The following ZMIZ1 variants were observed in gnomAD, a reference collection of about 807,000 sequenced individuals.
ZMIZ1 encodes zinc finger MIZ-type containing 1.
A neutral mutation model predicts 113.9 loss-of-function variants in ZMIZ1; 17 were observed. The ratio of observed to expected loss-of-function variants is 0.15; its 90% CI spans 0.10 to 0.22. The LOEUF (loss-of-function observed/expected upper bound fraction) is 0.22, where lower values mean the gene tolerates loss of function less well. Among genes scored for constraint, ZMIZ1 ranks in the 10% least tolerant of loss-of-function variants. ZMIZ1 has a pLI of 1.00. For synonymous variants in ZMIZ1, 607 were observed against 603.1 expected, an observed-to-expected ratio of 1.01 and a Z score of -0.09; for missense variants, 1,059 against 1,477.8, an observed-to-expected ratio of 0.72 and a Z score of 4.65.
chr10:79,157,476 C>G (rs887810719), intron 3 of ZMIZ1, among the ~76,000 whole-genome samples: 1 of 151,950 alleles, frequency 6.6e-6, no homozygotes, highest in Admixed American at 6.6e-5. Flanking sequence ...TGCCACAGAA[C>G]CCTGGGGCAG....
rs141109818 is a variant in ZMIZ1 at position 79,305,392 on chromosome 10, G to A, written c.2355-141G>A. ...GCTCCAGGTGGTCCCTTGGTATCAC[G>A]CGGTCAGAGTCCCCCTCTCTTGTGC... On this transcript the variant is annotated intron_variant, in intron 20 of 24. Transcript: ENST00000334512. 4.8e-5 allele frequency: 58 copies of A among 1,198,838 alleles called. No homozygotes were observed. In the Middle Eastern group the frequency reaches 9.7e-4, roughly 20 times the overall value. The allele number at this position is 1,198,838 out of a possible 1,614,324, so 74.3% of individuals were successfully genotyped here.
Position 79,291,084 on chromosome 10 carries a change from G to A in ZMIZ1, c.666G>A (p.Gln222=). The A allele has an allele frequency of 6.2e-7, 1 of 1,614,254 alleles. No homozygotes were observed. Among genetic ancestry groups the A allele is most frequent in the Non-Finnish European group, 8.5e-7 (1 of 1,180,048 alleles). The change falls in exon 10 of 25, where the codon CAG becomes CAA. Residue 222 remains glutamine, a synonymous_variant. Coordinates refer to ENST00000334512, the MANE Select transcript of ZMIZ1 (RefSeq NM_020338.4). ...NSPQFAGQQQ[Q]FSAKAGPAQP... ...CACAGTTTGCGGGGCAGCAGCAGCA[G>A]TTCTCAGCCAAGGCTGGCCCCGCTC...
chr10:79,190,316 G>C (rs1847544902), intron 4 of ZMIZ1, among the ~76,000 whole-genome samples: 2 of 152,190 alleles, frequency 1.3e-5, no homozygotes, highest in African/African-American at 2.4e-5. Flanking sequence ...GGCAGTTGGG[G>C]CTCCTGAGGC....
rs145852199 is a variant in ZMIZ1 at position 79,089,714 on chromosome 10, G to A, written c.-337+20444G>A. On this transcript the variant is annotated intron_variant, in intron 1 of 24. Coordinates refer to ENST00000334512, the MANE Select transcript of ZMIZ1 (RefSeq NM_020338.4). ...GAGCATGAGCAAGACCCTATTGGCC[G>A]CACCTGGGACAGCCTTCCTGGGCAG... 4.9e-4 allele frequency among the ~76,000 whole-genome samples: 75 copies of A among 152,166 alleles called. No individual in the cohort carries two copies. In the East Asian group the frequency reaches 7.5e-3, roughly 15 times the overall value.
intron 6 of ZMIZ1, among the ~76,000 whole-genome samples, chr10:79,209,570 G>A (rs1422606421): frequency 2.6e-5 from 4 of 152,254 alleles, no homozygotes; most frequent in South Asian, 2.1e-4. Flanking sequence ...CGGGAACAGC[G>A]GGCATGGCCC....
intron 3 of ZMIZ1, among the ~76,000 whole-genome samples, chr10:79,144,008 G>A (rs1329107922): frequency 1.3e-5 from 2 of 152,182 alleles, no homozygotes; most frequent in African/African-American, 2.4e-5. Context: ...CTCTGCATCG[G>A]GGACTAGGGC....
At position 79,298,434 on chromosome 10, in the gene ZMIZ1, A is replaced by G. The variant is rs1296655015; in HGVS notation, c.1520A>G (p.Tyr507Cys). 7 of 1,607,236 alleles carry G rather than the reference A, an allele frequency of 4.4e-6. No individual in the cohort carries two copies. Among genetic ancestry groups the G allele is most frequent in the Non-Finnish European group, 5.9e-6 (7 of 1,177,122 alleles). ...RPPRPVPVAN[Y>C]PHSPVPGNPT... Reference sequence around the variant, plus strand: ...CCCAGGCCGGTTCCTGTGGCAAATTACCCCCACTCACCTGTTCCAGGGAAC... The same window carrying G: ...CCCAGGCCGGTTCCTGTGGCAAATTGCCCCCACTCACCTGTTCCAGGGAAC... The change falls in exon 15 of 25, where the codon TAC becomes TGC. Residue 507 changes from tyrosine (Y) to cysteine (C), a missense_variant. Tyr to Cys is a radical substitution (Grantham distance 194). Transcript: ENST00000334512.
chr10:79,243,358 G>A (rs1450189283), intron 7 of ZMIZ1, among the ~76,000 whole-genome samples: 1 of 149,748 alleles, frequency 6.7e-6, no homozygotes, highest in African/African-American at 2.4e-5. Context: ...CGGCGGCGGC[G>A]GCGGCGGCCC....
In ZMIZ1 at chr10:79,139,748, GT is replaced by G; in HGVS notation, c.-155del. On this transcript the variant is annotated 5_prime_UTR_variant, in exon 3 of 25. Transcript: ENST00000334512. ...AAGGGGTGTGAGGAGAGGAGCCGCT[GT>G]TTTTCACTGAGCTGCCATACCCCGA... 2.5e-6 allele frequency: 1 copy of G among 398,826 alleles called. No homozygotes were observed. The highest frequency in any genetic ancestry group is 4.4e-6 in the Non-Finnish European group (1 of 226,208). The allele number at this position is 398,826 out of a possible 1,614,324, so 24.7% of individuals were successfully genotyped here.
At chr10:79,284,277 A>C (rs1852920701) in intron 8 of ZMIZ1, among the ~76,000 whole-genome samples, 1 of 152,184 alleles carries the variant, frequency 6.6e-6, no homozygotes, top group South Asian at 2.1e-4. Flanking sequence ...ATACGTGAAA[A>C]AAGTGCTGAG....
chr10:79,237,752 T>G (rs896626476), intron 7 of ZMIZ1, among the ~76,000 whole-genome samples: 1 of 152,232 alleles, frequency 6.6e-6, no homozygotes, highest in Admixed American at 6.5e-5. Context: ...TTCTGGGGGT[T>G]AGGAGTTCAA....
chr10:79,267,391 C>G (rs1851671673), intron 7 of ZMIZ1, among the ~76,000 whole-genome samples: 1 of 152,238 alleles, frequency 6.6e-6, no homozygotes, highest in Non-Finnish European at 1.5e-5. Context: ...GGAGCACCCT[C>G]TGCATCCCAA....
intron 5 of ZMIZ1, among the ~76,000 whole-genome samples, chr10:79,206,970 G>A (rs74142339): frequency 0.02 from 3,078 of 152,278 alleles, 99 homozygotes; most frequent in African/African-American, 0.063. Flanking sequence ...AACCTTAAGC[G>A]AAAGAAATAA....
chr10:79,232,144 G>A (rs1589454106), intron 7 of ZMIZ1, among the ~76,000 whole-genome samples: 1 of 152,204 alleles, frequency 6.6e-6, no homozygotes, highest in Admixed American at 6.5e-5. Context: ...ATCAGGAAAC[G>A]GGGCTAACTG....
chr10:79,309,063 G>A (rs139509486), intron 23 of ZMIZ1, among the ~76,000 whole-genome samples: 617 of 152,254 alleles, frequency 4.1e-3, no homozygotes, highest in African/African-American at 0.013. Flanking sequence ...GGGCAGGGCA[G>A]TCACAGGTAA....
chr10:79,148,880 C>A (rs867320854), intron 3 of ZMIZ1, among the ~76,000 whole-genome samples: 1 of 152,218 alleles, frequency 6.6e-6, no homozygotes, highest in Non-Finnish European at 1.5e-5. Context: ...GAGTCCCTCC[C>A]GGGCTTTCCT....
intron 4 of ZMIZ1, among the ~76,000 whole-genome samples, chr10:79,162,953 C>A (rs1846176231): frequency 6.6e-6 from 1 of 152,216 alleles, no homozygotes; most frequent in East Asian, 1.9e-4. Flanking sequence ...GAGGTCAAGC[C>A]CAGCTCTGTC....
chr10:79,256,970 G>A (rs147286408), intron 7 of ZMIZ1, among the ~76,000 whole-genome samples: 34 of 152,338 alleles, frequency 2.2e-4, no homozygotes, highest in Admixed American at 3.9e-4. Flanking sequence ...GAAAAGTGAC[G>A]TCTTCAGGCT....
rs1002152161 is a variant in ZMIZ1, at chr10:79,146,558, C to T, written c.-131+6781C>T. Among the ~76,000 whole-genome samples, 38 of 152,254 alleles carry T rather than the reference C, an allele frequency of 2.5e-4. 1 individual carries two copies. The highest frequency in any genetic ancestry group is 8.7e-4 in the African/African-American group (36 of 41,468). On this transcript the variant is annotated intron_variant, in intron 3 of 24. Transcript: ENST00000334512. ...AGGGACTTCTCTCTGAGCCTTGGCT[C>T]CCCTCCTGTGTGGCCCCAACGTTGG...
Sources: allele counts gnomAD v4.1 joint callset (sites outside exome capture counted in the v4.1 genomes callset), GRCh38; gene constraint gnomAD v4.1.1; transcripts MANE v1.5; gene names NCBI Gene and HGNC (gene_info 2026-07-23, HGNC 2026-07-21).